Variants in PRDM16 observed in about 807,000 individuals in gnomAD.
PRDM16 encodes histone-lysine N-methyltransferase PRDM16.
In PRDM16, 23 loss-of-function variants were observed where a neutral mutation model predicts 110.6. The observed-to-expected ratio is 0.21, with a 90% CI of 0.15 to 0.29. The LOEUF is 0.29. PRDM16 is among the 10% of genes least tolerant of loss of function. PRDM16 has a pLI of 1.00. For synonymous variants in PRDM16, 799 were observed against 781.8 expected (o/e 1.02, Z -0.37); for missense variants, 1,615 against 1,794.3 (o/e 0.90, Z 1.81).
chr1:3,270,412 G>A (rs538838451), intron 3 of PRDM16, among the ~76,000 whole-genome samples: 1 of 140,742 alleles, frequency 7.1e-6, no homozygotes, highest in African/African-American at 3.1e-5. Context: ...GAGGAGGACA[G>A]TCCCAGAGGA....
chr1:3,142,608 C>T (rs1643572868), intron 1 of PRDM16, among the ~76,000 whole-genome samples: 1 of 152,172 alleles, frequency 6.6e-6, no homozygotes, highest in African/African-American at 2.4e-5. Context: ...GGAAGACAGG[C>T]TGCCACTGCC....
intron 3 of PRDM16, among the ~76,000 whole-genome samples, chr1:3,301,147 C>T (rs571402780): frequency 6.6e-6 from 1 of 152,000 alleles, no homozygotes; most frequent in African/African-American, 2.4e-5. Context: ...CCTGGGAAAC[C>T]TAGCAAGACC....
intron 1 of PRDM16, among the ~76,000 whole-genome samples, chr1:3,132,320 G>A (rs1363659722): frequency 6.6e-6 from 1 of 152,206 alleles, no homozygotes; most frequent in Non-Finnish European, 1.5e-5. Context: ...TGTGTCCGGT[G>A]AGCAGAGGAG....
intron 3 of PRDM16, among the ~76,000 whole-genome samples, chr1:3,280,574 C>G (rs1640692996): frequency 6.6e-6 from 1 of 152,340 alleles, no homozygotes; most frequent in Middle Eastern, 3.4e-3. Context: ...TCCCTCGACT[C>G]CCACCTGGAG....
intron 2 of PRDM16, among the ~76,000 whole-genome samples, chr1:3,237,554 G>A (rs1328751235): frequency 6.6e-6 from 1 of 152,230 alleles, no homozygotes; most frequent in Non-Finnish European, 1.5e-5. Context: ...TCTCCGTGGG[G>A]CAGTGTAGAC....
chr1:3,165,716 G>A (rs1297177275), intron 1 of PRDM16, among the ~76,000 whole-genome samples: 1 of 69,328 alleles, frequency 1.4e-5, no homozygotes, highest in African/African-American at 1.1e-4. Flanking sequence ...TGGGCTCAGG[G>A]ACAGTGACTC....
intron 1 of PRDM16, among the ~76,000 whole-genome samples, chr1:3,086,458 G>A (rs1570225565): frequency 6.6e-6 from 1 of 152,154 alleles, no homozygotes; most frequent in South Asian, 2.1e-4. Flanking sequence ...GCTGGAAAAC[G>A]CCCGAGGTGT....
intron 2 of PRDM16, among the ~76,000 whole-genome samples, chr1:3,221,632 C>A (rs1639152472): frequency 6.6e-6 from 1 of 152,204 alleles, no homozygotes; most frequent in Non-Finnish European, 1.5e-5. Context: ...TCTTGCATTT[C>A]CCCCTTCTCC....
chr1:3,396,689 C>T (rs940001561), intron 5 of PRDM16, 96 bp downstream of exon 5: 4 of 612,432 alleles, frequency 6.5e-6, no homozygotes, highest in African/African-American at 5.6e-5. Flanking sequence ...GGCCTCTCAT[C>T]ACCTCAAGCC....
In PRDM16 at chr1:3,143,406, G is replaced by T. The variant is rs1643589578; in HGVS notation, c.38-42719G>T. On this transcript the variant is annotated intron_variant, in intron 1 of 16. Transcript: ENST00000270722. The surrounding 1 kb of genome is among the most constrained non-coding windows in gnomAD (Gnocchi z 4.5). Reference sequence around the variant, plus strand: ...AGGTGGCCTCCCCAACTTGAGCTGGGTTCATTTCCTCTCTCCACCCCTTCT... The same window carrying T: ...AGGTGGCCTCCCCAACTTGAGCTGGTTTCATTTCCTCTCTCCACCCCTTCT... 6.6e-6 allele frequency among the ~76,000 whole-genome samples: 1 copy of T among 152,142 alleles called. No homozygotes were observed. Among genetic ancestry groups the T allele is most frequent in the Admixed American group, 6.5e-5 (1 of 15,274 alleles).
chr1:3,197,876 A>G (rs925703037), intron 2 of PRDM16, among the ~76,000 whole-genome samples: 1 of 151,906 alleles, frequency 6.6e-6, no homozygotes, highest in Admixed American at 6.5e-5. Context: ...GAGCGCGTGA[A>G]CCTCGCACTC....
chr1:3,385,272 C>G lies in PRDM16; in HGVS notation c.559C>G (p.Gln187Glu), dbSNP rs1569639236. 6.2e-7 allele frequency: 1 copy of G among 1,613,678 alleles called. No homozygotes were observed. Among genetic ancestry groups the G allele is most frequent in the South Asian group, 1.1e-5 (1 of 91,076 alleles). Residue 187 changes from glutamine to glutamate, a missense_variant, in exon 4 of 17, where the codon CAG becomes GAG. By Grantham distance (29) the Gln-to-Glu change is conservative (BLOSUM62 2). This residue lies in a region of PRDM16 where 416 missense variants were observed against 467.1 expected (regional missense o/e 0.89). Coordinates refer to ENST00000270722, the MANE Select transcript of PRDM16 (RefSeq NM_022114.4). ...CGATGACCAGAACCTCACCATGTGT[C>G]AGATCAGTGAGCAGGTAGGTCCGGG... is the stretch of plus-strand genomic sequence containing the variant. Reference protein sequence around the residue: ...SCDDQNLTMCQISEQIYYKVI... With the variant: ...SCDDQNLTMCEISEQIYYKVI...
chr1:3,121,524 A>AC (rs1643093625), intron 1 of PRDM16, among the ~76,000 whole-genome samples: 1 of 152,192 alleles, frequency 6.6e-6, no homozygotes, highest in African/African-American at 2.4e-5. Flanking sequence ...GAGACTCCGA[A>AC]CGTCGCCTGC....
At position 3,254,454 on chromosome 1, in the gene PRDM16, C is replaced by T. The variant is rs560435124; in HGVS notation, c.438+10317C>T. Among the ~76,000 whole-genome samples the T allele has an allele frequency of 7.4e-4, 112 of 152,286 alleles. 1 individual carries two copies. Among genetic ancestry groups the T allele is most frequent in the Middle Eastern group, 3.4e-3 (1 of 294 alleles). ...ATCTCCTTAAGCTGATAAGCAACTT[C>T]AGCAAAGTCTCAGGATACAAAATCA... is the stretch of plus-strand genomic sequence containing the variant. On this transcript the variant is annotated intron_variant, in intron 3 of 16. Transcript: ENST00000270722.
intron 3 of PRDM16, among the ~76,000 whole-genome samples, chr1:3,257,372 G>A (rs914014758): frequency 9.2e-5 from 14 of 152,240 alleles, no homozygotes; most frequent in South Asian, 2.1e-4. Context: ...GCTCTAGGCC[G>A]GGCACCAGCT....
chr1:3,409,187 G>A (rs988936631), intron 8 of PRDM16, among the ~76,000 whole-genome samples: 5 of 147,254 alleles, frequency 3.4e-5, no homozygotes, highest in African/African-American at 1.2e-4. Flanking sequence ...GTTGGTGCGT[G>A]TGTGTGTGAG....
chr1:3,371,452 T>A (rs1353045203), intron 3 of PRDM16, among the ~76,000 whole-genome samples: 1 of 149,812 alleles, frequency 6.7e-6, no homozygotes, highest in Non-Finnish European at 1.5e-5. Context: ...CATTTATCCA[T>A]CCACCCACCC....
chr1:3,181,358 A>ACG (rs1553141004), intron 1 of PRDM16, among the ~76,000 whole-genome samples: 12 of 33,284 alleles, frequency 3.6e-4, no homozygotes, highest in Admixed American at 7.3e-4. Context: ...GGTCTTACAC[A>ACG]CGGTCTTACA....
chr1:3,402,709 G>T (rs924341913), intron 5 of PRDM16, 82 bp from the exon 6 acceptor site: 15 of 1,272,134 alleles, frequency 1.2e-5, no homozygotes, highest in Non-Finnish European at 1.7e-5. Context: ...CCGTGGTGAG[G>T]GGGCCAGGTC....
Sources: gnomAD v4.1 joint callset for allele counts (sites outside exome capture counted in the v4.1 genomes callset) on GRCh38, gnomAD v4.1.1 for gene constraint, gnomAD v4.1.1 regional missense constraint, Gnocchi (gnomAD v3.1) non-coding constraint, MANE v1.5 for transcripts, NCBI Gene and HGNC (gene_info 2026-07-23, HGNC 2026-07-21) for gene names.